DOCK3: variants seen among roughly 807,000 people sequenced by gnomAD.
DOCK3 encodes dedicator of cytokinesis protein 3.
Under a neutral mutation model 265.6 loss-of-function variants are expected in DOCK3, and 60 were observed. That is an observed-to-expected ratio of 0.23 (90% confidence interval 0.18 to 0.28). The LOEUF (loss-of-function observed/expected upper bound fraction) is 0.28. Ranked by LOEUF, DOCK3 falls within the 10% of genes least tolerant of loss-of-function variation. The pLI is 1.00. For synonymous variants in DOCK3, 881 were observed against 938.0 expected, an observed-to-expected ratio of 0.94 and a Z score of 1.11; for missense variants, 1,981 against 2,594.3, an observed-to-expected ratio of 0.76 and a Z score of 5.14.
intron 27 of DOCK3, among the ~76,000 whole-genome samples, chr3:51,283,536 A>G (rs1302053487): frequency 6.6e-6 from 1 of 152,194 alleles, no homozygotes; most frequent in East Asian, 1.9e-4. Flanking sequence ...TCAGGAACAG[A>G]CAAACTCTTT....
At chr3:50,699,358 C>G (rs115817597) in intron 1 of DOCK3, among the ~76,000 whole-genome samples, 1 of 151,894 alleles carries the variant, frequency 6.6e-6, no homozygotes, top group Non-Finnish European at 1.5e-5. Flanking sequence ...AGCCTTCCAA[C>G]TTTGTGCTTA....
chr3:50,845,148 G>A (rs867460713), intron 3 of DOCK3, among the ~76,000 whole-genome samples: 2 of 152,008 alleles, frequency 1.3e-5, no homozygotes, highest in Non-Finnish European at 2.9e-5. Context: ...GCTTGAACTC[G>A]GGAGATGGGG....
chr3:51,232,502 A>G (rs1427213385), intron 19 of DOCK3, among the ~76,000 whole-genome samples: 1 of 152,156 alleles, frequency 6.6e-6, no homozygotes, highest in Non-Finnish European at 1.5e-5. Flanking sequence ...GCAGTATAAA[A>G]GTATTCCCTT....
intron 1 of DOCK3, among the ~76,000 whole-genome samples, chr3:50,703,415 A>C (rs559436244): frequency 6.6e-6 from 1 of 152,228 alleles, no homozygotes; most frequent in South Asian, 2.1e-4. Context: ...AACTGGTGTT[A>C]GTTCCTCTTC....
intron 5 of DOCK3, among the ~76,000 whole-genome samples, chr3:51,061,943 T>C (rs1395366119): frequency 1.3e-5 from 2 of 152,162 alleles, no homozygotes; most frequent in African/African-American, 4.8e-5. Flanking sequence ...ACAAGAGTGA[T>C]ACTTTACTCT....
At chr3:50,930,440 C>T (rs992518299) in intron 4 of DOCK3, among the ~76,000 whole-genome samples, 3 of 152,222 alleles carry the variant, frequency 2.0e-5, no homozygotes, top group Non-Finnish European at 4.4e-5. Context: ...GTCCACAACC[C>T]TGACTTGGGC....
intron 7 of DOCK3, among the ~76,000 whole-genome samples, chr3:51,085,009 C>G (rs760517375): frequency 1.4e-4 from 21 of 152,000 alleles, no homozygotes; most frequent in Non-Finnish European, 2.5e-4. Context: ...AAATAGAAAC[C>G]TAAAGCATGC....
chr3:51,381,063 C>T lies in DOCK3; in HGVS notation c.5597C>T (p.Pro1866Leu), dbSNP rs2088594997. The part of the protein sequence containing the change: ...ARTLRKSPLH[P>L]IPASPTSPQS... The stretch of plus-strand genomic sequence containing the variant: ...TTTCCTTCGCAGTCTCCTCTCCACC[C>T]TATCCCAGCCTCCCCCACAAGCCCC... Residue 1866 changes from proline (P) to leucine (L), a missense_variant, in exon 53 of 53, where the codon CCT (proline) becomes CTT (leucine). Pro to Leu is a moderately conservative substitution (Grantham distance 98). Transcript: ENST00000266037. The surrounding 1 kb of genome is among the most constrained non-coding windows in gnomAD (Gnocchi z 5.6). 1 of 1,601,318 alleles carries T rather than the reference C, an allele frequency of 6.2e-7. No homozygotes were observed. The highest frequency in any genetic ancestry group is 8.5e-7 in the Non-Finnish European group (1 of 1,171,750).
At chr3:51,106,464 CAT>C (rs1491382012) in intron 9 of DOCK3, among the ~76,000 whole-genome samples, 6 of 152,198 alleles carry the variant, frequency 3.9e-5, no homozygotes, top group African/African-American at 9.6e-5. Flanking sequence ...ACTTTGCAGG[CAT>C]GTGTGTGTGT....
chr3:51,278,263 T>C (rs2080920740), intron 26 of DOCK3: 38 of 985,276 alleles, frequency 3.9e-5, no homozygotes, highest in Non-Finnish European at 4.5e-5. Context: ...CATTAGTGAA[T>C]AACGATTTTT....
At chr3:50,745,121 A>G (rs1559583195) in intron 1 of DOCK3, among the ~76,000 whole-genome samples, 2 of 152,038 alleles carry the variant, frequency 1.3e-5, no homozygotes, top group South Asian at 4.1e-4. Context: ...TATTTTTATT[A>G]GTTTTTTGAG....
chr3:50,894,293 G>A (rs2048789226), intron 4 of DOCK3, among the ~76,000 whole-genome samples: 1 of 151,896 alleles, frequency 6.6e-6, no homozygotes, highest in Non-Finnish European at 1.5e-5. Flanking sequence ...AACCTTGTAG[G>A]CCAGAAGGGA....
chr3:50,833,302 A>AT (rs931320285), intron 2 of DOCK3, among the ~76,000 whole-genome samples: 7 of 152,084 alleles, frequency 4.6e-5, no homozygotes, highest in Non-Finnish European at 2.9e-5. Flanking sequence ...CTTGAAACAT[A>AT]TTTTTTTCTC....
At chr3:50,712,850 T>C (rs547805861) in intron 1 of DOCK3, among the ~76,000 whole-genome samples, 12 of 152,328 alleles carry the variant, frequency 7.9e-5, no homozygotes, top group African/African-American at 2.9e-4. Context: ...TTGAAGCTTG[T>C]TTATGGCATA....
intron 33 of DOCK3, 109 bp downstream of exon 33, chr3:51,330,332 G>T: frequency 9.7e-7 from 1 of 1,035,312 alleles, no homozygotes; most frequent in South Asian, 1.5e-5. Context: ...TGGTCATCAA[G>T]AGGGACCTGG....
At position 51,361,906 on chromosome 3, in the gene DOCK3, C is replaced by T. The variant is rs758753852; in HGVS notation, c.5054C>T (p.Ser1685Phe). ...GGCCGCCATTCATCATCCTCTCTCT[C>T]CTCACATGCGTCTAGTGAAGCAGGA... is the stretch of plus-strand genomic sequence containing the variant. ...GTGRHSSSSL[S>F]SHASSEAGNM... The change falls in exon 48 of 53, where the codon TCC becomes TTC. Residue 1685 changes from serine (S) to phenylalanine (F), a missense_variant. Transcript: ENST00000266037. The surrounding 1 kb of genome is among the most constrained non-coding windows in gnomAD (Gnocchi z 4.2). 6.2e-7 allele frequency: 1 copy of T among 1,613,362 alleles called. No individual in the cohort carries two copies. Among genetic ancestry groups the T allele is most frequent in the Non-Finnish European group, 8.5e-7 (1 of 1,179,652 alleles).
chr3:51,016,676 T>TAATATATAAATATATA (rs2079291791), intron 5 of DOCK3, among the ~76,000 whole-genome samples: 1 of 33,168 alleles, frequency 3.0e-5, no homozygotes, highest in Non-Finnish European at 5.8e-5. Flanking sequence ...ATGATATATA[T>TAATATATAAATATATA]TTATATATCA....
intron 1 of DOCK3, among the ~76,000 whole-genome samples, chr3:50,692,998 A>C (rs569926885): frequency 7.2e-5 from 11 of 152,190 alleles, no homozygotes; most frequent in Non-Finnish European, 1.6e-4. Flanking sequence ...TTTTCTCATT[A>C]AATGGTCTTG....
chr3:50,900,886 G>A (rs761322214), intron 4 of DOCK3: 4 of 429,114 alleles, frequency 9.3e-6, no homozygotes, highest in South Asian at 3.4e-5. Flanking sequence ...GCCAGCCAGA[G>A]CTCTCCTGTA....
Sources: allele counts gnomAD v4.1 joint callset (sites outside exome capture counted in the v4.1 genomes callset), GRCh38; gene constraint gnomAD v4.1.1; non-coding constraint Gnocchi (gnomAD v3.1); transcripts MANE v1.5; gene names NCBI Gene and HGNC (gene_info 2026-07-23, HGNC 2026-07-21).